ANKRD12: variants seen among roughly 807,000 people sequenced by gnomAD.
The protein encoded by ANKRD12 is ankyrin repeat domain 12, also known as ankyrin repeat domain-containing protein 12.
In ANKRD12, 85 loss-of-function variants were observed where a neutral mutation model predicts 183.4. The observed-to-expected ratio is 0.46, with a 90% confidence interval of 0.39 to 0.56. ANKRD12 has a LOEUF of 0.56. Ranked by LOEUF, ANKRD12 falls within the 20% of genes least tolerant of loss-of-function variation. The pLI, the probability that ANKRD12 is intolerant of heterozygous loss-of-function variation, is 0.00. For synonymous variants in ANKRD12, 914 were observed against 800.2 expected, an observed-to-expected ratio of 1.14 and a Z score of -2.40; for missense variants, 2,405 against 2,357.1, an observed-to-expected ratio of 1.02 and a Z score of -0.42.
At chr18:9,141,111 G>A (rs1467702149) in intron 1 of ANKRD12, among the ~76,000 whole-genome samples, 1 of 151,980 alleles carries the variant, frequency 6.6e-6, no homozygotes, top group East Asian at 1.9e-4. Flanking sequence ...TTGGGGGCCA[G>A]CTATTCTACC....
intron 8 of ANKRD12, chr18:9,235,670 C>T: frequency 4.4e-6 from 2 of 456,252 alleles, no homozygotes; most frequent in Non-Finnish European, 8.8e-6. Context: ...AAATGCCAAG[C>T]TCAGCGGAGC....
rs533369609 is a variant in ANKRD12 at position 9,261,793 on chromosome 18, C to G, written c.5665-1997C>G. On this transcript the variant is annotated intron_variant, in intron 9 of 12. Transcript: ENST00000262126. ...TCCCACATGATTCGTTTCACTAACT[C>G]TAACTCTGGCTCTTCCTTTAAGATG... Among the ~76,000 whole-genome samples, 6 of 152,282 alleles carry G rather than the reference C, an allele frequency of 3.9e-5. No individual in the cohort carries two copies. In the East Asian group the frequency reaches 1.2e-3, roughly 29 times the overall value.
intron 1 of ANKRD12, among the ~76,000 whole-genome samples, chr18:9,142,426 T>A (rs567370573): frequency 6.6e-6 from 1 of 152,292 alleles, no homozygotes; most frequent in African/African-American, 2.4e-5. Flanking sequence ...AACTCACTTA[T>A]GAAAGAGAAG....
At chr18:9,203,275 CTT>C (rs1263187144) in intron 3 of ANKRD12, among the ~76,000 whole-genome samples, 2 of 152,088 alleles carry the variant, frequency 1.3e-5, no homozygotes, top group Admixed American at 6.6e-5. Context: ...CGTCACTAAA[CTT>C]TTAGGCTTAT....
intron 11 of ANKRD12, among the ~76,000 whole-genome samples, chr18:9,277,518 G>A (rs1214875357): frequency 7.3e-5 from 11 of 151,432 alleles, no homozygotes; most frequent in Admixed American, 3.9e-4. Flanking sequence ...TAGTAGAGAC[G>A]GGGTTTCACC....
At chr18:9,149,762 A>G (rs1281220845) in intron 1 of ANKRD12, among the ~76,000 whole-genome samples, 3 of 145,474 alleles carry the variant, frequency 2.1e-5, no homozygotes, top group Admixed American at 7.0e-5. Context: ...CAAACCGACT[A>G]TTTGTAATGA....
At chr18:9,174,469 T>C (rs1257243104) in intron 1 of ANKRD12, among the ~76,000 whole-genome samples, 1 of 152,244 alleles carries the variant, frequency 6.6e-6, no homozygotes, top group Non-Finnish European at 1.5e-5. Context: ...CTCTGTATGT[T>C]GGACCTAAGT....
chr18:9,269,529 C>T (rs1337659914), intron 10 of ANKRD12, among the ~76,000 whole-genome samples: 2 of 152,200 alleles, frequency 1.3e-5, no homozygotes, highest in Non-Finnish European at 2.9e-5. Flanking sequence ...AAAGGATTCC[C>T]TATTTAATAA....
chr18:9,164,890 C>T lies in ANKRD12; in HGVS notation c.-51-17492C>T, dbSNP rs146626084. ...TATAATCTGTTGTTTTTGAGTGGAG[C>T]GTTCTGTAGATATCTGTCAGGTCTG... On this transcript the variant is annotated intron_variant, in intron 1 of 12. Transcript: ENST00000262126. Among the ~76,000 whole-genome samples, 422 of 152,196 alleles carry T rather than the reference C, an allele frequency of 2.8e-3. 2 individuals carry two copies. Among genetic ancestry groups the T allele is most frequent in the African/African-American group, 9.7e-3 (403 of 41,520 alleles).
intron 6 of ANKRD12, 99 bp downstream of exon 6, chr18:9,211,883 GAA>G (rs2035821949): frequency 9.2e-7 from 1 of 1,081,628 alleles, no homozygotes; most frequent in Non-Finnish European, 1.3e-6. Context: ...TTGCTGAAAT[GAA>G]AGAGTTCTAA....
chr18:9,221,775 T>G, intron 7 of ANKRD12, 77 bp from the exon 8 acceptor site: 3 of 1,426,652 alleles, frequency 2.1e-6, no homozygotes, highest in Non-Finnish European at 1.9e-6. Flanking sequence ...AAGGATACTA[T>G]GAGTATTATC....
At chr18:9,156,066 A>T (rs1231374721) in intron 1 of ANKRD12, among the ~76,000 whole-genome samples, 1 of 137,556 alleles carries the variant, frequency 7.3e-6, no homozygotes. Flanking sequence ...TGAACTGGGG[A>T]GGTGGAGGTT....
rs571439268 is a variant in ANKRD12 at position 9,203,845 on chromosome 18, T to C, written c.236-631T>C. On this transcript the variant is annotated intron_variant, in intron 3 of 12. Coordinates refer to ENST00000262126, the MANE Select transcript of ANKRD12 (RefSeq NM_015208.5). ...GTCTTGAACTTCTGACCTCAGGTAATCCACCCACCTTGGCCTCCCGAAGTG... is the reference window on the plus strand; with the variant it reads ...GTCTTGAACTTCTGACCTCAGGTAACCCACCCACCTTGGCCTCCCGAAGTG... 2.0e-5 allele frequency among the ~76,000 whole-genome samples: 3 copies of C among 152,314 alleles called. No homozygotes were observed. The Middle Eastern group carries it at 0.01, about 518-fold the overall frequency.
intron 1 of ANKRD12, among the ~76,000 whole-genome samples, chr18:9,153,470 C>A (rs888085731): frequency 6.6e-6 from 1 of 152,058 alleles, no homozygotes; most frequent in African/African-American, 2.4e-5. Flanking sequence ...GTGTATAGTT[C>A]ATTTTCCTGG....
intron 8 of ANKRD12, among the ~76,000 whole-genome samples, chr18:9,233,806 G>A (rs2037189232): frequency 6.6e-6 from 1 of 152,232 alleles, no homozygotes; most frequent in Non-Finnish European, 1.5e-5. Context: ...AGTGGTGGCA[G>A]TGGTGGGCTG....
At chr18:9,186,609 G>A (rs969757336) in intron 2 of ANKRD12, among the ~76,000 whole-genome samples, 23 of 152,244 alleles carry the variant, frequency 1.5e-4, no homozygotes, top group African/African-American at 5.5e-4. Flanking sequence ...GAGAGGAAGG[G>A]CTGTAGTTTT....
At chr18:9,239,626 A>G (rs2037543580) in intron 8 of ANKRD12, 1 of 675,196 alleles carries the variant, frequency 1.5e-6, no homozygotes, top group Non-Finnish European at 2.2e-6. Flanking sequence ...TTATTACTTA[A>G]TTTACATGAG....
In ANKRD12 at chr18:9,258,277, A is replaced by G. The variant is rs763131409; in HGVS notation, c.5010A>G (p.Lys1670=). The part of the protein sequence containing the change: ...PKGNLNEQDP[K]HCPESEKCLL... ...GAAACCTAAATGAACAAGATCCAAAACATTGTCCTGAAAGTGAAAAGTGTT... is the reference window on the plus strand; with the variant it reads ...GAAACCTAAATGAACAAGATCCAAAGCATTGTCCTGAAAGTGAAAAGTGTT... The change falls in exon 9 of 13, where the codon AAA becomes AAG. Residue 1670 remains lysine, a synonymous_variant. Transcript: ENST00000262126. The G allele has an allele frequency of 5.6e-6, 9 of 1,613,776 alleles. No individual in the cohort carries two copies. The highest frequency in any genetic ancestry group is 1.7e-5 in the Admixed American group (1 of 59,908).
chr18:9,166,877 C>T (rs1166968397), intron 1 of ANKRD12, among the ~76,000 whole-genome samples: 1 of 152,116 alleles, frequency 6.6e-6, no homozygotes, highest in Non-Finnish European at 1.5e-5. Context: ...TTTAATCCAT[C>T]TTGAATTAAT....
Sources: gnomAD v4.1 joint callset for allele counts (sites outside exome capture counted in the v4.1 genomes callset) on GRCh38, gnomAD v4.1.1 for gene constraint, MANE v1.5 for transcripts, NCBI Gene and HGNC (gene_info 2026-07-23, HGNC 2026-07-21) for gene names.